ATP6V1A: variants seen among roughly 807,000 people sequenced by gnomAD.
The protein encoded by ATP6V1A is ATPase H+ transporting V1 subunit A, also known as V-type proton ATPase catalytic subunit A.
ATP6V1A carries 18 observed loss-of-function variants against 70.1 expected under a neutral mutation model. That is an observed-to-expected ratio of 0.26 (90% CI 0.18 to 0.38). ATP6V1A has a LOEUF of 0.38. Among genes scored for constraint, ATP6V1A ranks in the 10% least tolerant of loss-of-function variants. The pLI is 1.00. For synonymous variants in ATP6V1A, 232 were observed against 253.8 expected (o/e 0.91, Z 0.82); for missense variants, 424 against 772.4 (o/e 0.55, Z 5.35).
At chr3:113,769,403 A>G (rs1197925801) in intron 1 of ATP6V1A, among the ~76,000 whole-genome samples, 2 of 152,186 alleles carry the variant, frequency 1.3e-5, no homozygotes, top group South Asian at 2.1e-4. Flanking sequence ...TCTTTAATCA[A>G]TTAGATAGAA....
intron 1 of ATP6V1A, among the ~76,000 whole-genome samples, chr3:113,769,568 C>T (rs749191095): frequency 1.9e-4 from 29 of 152,308 alleles, no homozygotes; most frequent in South Asian, 6.2e-4. Context: ...CCCCCAACAG[C>T]CATATCATCC....
At chr3:113,762,107 G>A (rs898007704) in intron 1 of ATP6V1A, among the ~76,000 whole-genome samples, 1 of 130,886 alleles carries the variant, frequency 7.6e-6, no homozygotes, top group African/African-American at 2.8e-5. Context: ...AGCCAAGATC[G>A]CGCCATTGCA....
At chr3:113,794,096 G>A (rs1709127961) in intron 8 of ATP6V1A, among the ~76,000 whole-genome samples, 2 of 152,068 alleles carry the variant, frequency 1.3e-5, no homozygotes, top group African/African-American at 2.4e-5. Context: ...CCCAACACTC[G>A]TTTCTGTATA....
chr3:113,787,771 C>T (rs750425126), intron 6 of ATP6V1A, among the ~76,000 whole-genome samples: 11 of 152,024 alleles, frequency 7.2e-5, no homozygotes, highest in Non-Finnish European at 7.4e-5. Flanking sequence ...TGGCAAAAAC[C>T]GATATCATTA....
At position 113,796,031 on chromosome 3, in the gene ATP6V1A, A is replaced by G. The variant is rs939211784; in HGVS notation, c.1290+92A>G. The G allele has an allele frequency of 8.7e-6, 10 of 1,148,316 alleles. No individual in the cohort carries two copies. In the African/African-American group the frequency reaches 1.6e-4, roughly 18 times the overall value. The allele number at this position is 1,148,316 out of a possible 1,614,324, so 71.1% of individuals were successfully genotyped here. A position where few individuals can be genotyped will look rare whatever the true frequency, so the allele number is the denominator to read the frequency against. ...ATGCGATCTAATGTAATCGTTGTGA[A>G]GTATTTAATTTAGTCTCTAAAGGAT... On this transcript the variant is annotated intron_variant, in intron 11 of 14. Transcript: ENST00000273398.
chr3:113,783,138 T>G (rs1476533270), intron 3 of ATP6V1A, among the ~76,000 whole-genome samples: 1 of 152,206 alleles, frequency 6.6e-6, no homozygotes, highest in Non-Finnish European at 1.5e-5. Context: ...CTGGTTCTTT[T>G]TTTTACAGCC....
At chr3:113,797,398 C>T (rs1709164839) in intron 11 of ATP6V1A, among the ~76,000 whole-genome samples, 1 of 151,754 alleles carries the variant, frequency 6.6e-6, no homozygotes, top group South Asian at 2.1e-4. Flanking sequence ...GCATTACAGG[C>T]ATGCGCCACC....
chr3:113,780,615 C>A, intron 2 of ATP6V1A: 1 of 548,420 alleles, frequency 1.8e-6, no homozygotes, highest in South Asian at 2.0e-5. Context: ...AGGTCTGTCT[C>A]TCAAAGGAAA....
chr3:113,778,935 C>A, intron 2 of ATP6V1A, 100 bp downstream of exon 2: 1 of 815,802 alleles, frequency 1.2e-6, no homozygotes, highest in Non-Finnish European at 1.8e-6. Flanking sequence ...TGTTTACCTG[C>A]ATAAATTCTG....
At chr3:113,791,194 T>G (rs1384869376) in intron 8 of ATP6V1A, among the ~76,000 whole-genome samples, 1 of 152,164 alleles carries the variant, frequency 6.6e-6, no homozygotes, top group Non-Finnish European at 1.5e-5. Context: ...TTATCTATTT[T>G]CCATGTGCAT....
chr3:113,807,609 G>A (rs531460531), intron 14 of ATP6V1A, among the ~76,000 whole-genome samples: 121 of 152,192 alleles, frequency 8.0e-4, no homozygotes, highest in Non-Finnish European at 6.6e-4. Flanking sequence ...AATGCTTATG[G>A]CACAGAGTGA....
At chr3:113,789,619 G>T in intron 7 of ATP6V1A, 113 bp from the exon 8 acceptor site, 1 of 673,184 alleles carries the variant, frequency 1.5e-6, no homozygotes. Flanking sequence ...TAGGAACACT[G>T]ATTGTAAGAG....
At chr3:113,774,845 A>G (rs1471378587) in intron 1 of ATP6V1A, among the ~76,000 whole-genome samples, 1 of 151,924 alleles carries the variant, frequency 6.6e-6, no homozygotes, top group Non-Finnish European at 1.5e-5. Context: ...AAAAAGCAGC[A>G]TTCAGAATAG....
rs183125013 is a variant in ATP6V1A at position 113,779,185 on chromosome 3, G to A, written c.82+350G>A. On this transcript the variant is annotated intron_variant, in intron 2 of 14. Coordinates refer to ENST00000273398, the MANE Select transcript of ATP6V1A (RefSeq NM_001690.4). Reference sequence around the variant, plus strand: ...TTTAATATGTAATACCTTGCATATAGCAGGCATTCAGTAAATGTTAATTTG... The same window carrying A: ...TTTAATATGTAATACCTTGCATATAACAGGCATTCAGTAAATGTTAATTTG... 13 of 161,854 alleles carry A rather than the reference G, an allele frequency of 8.0e-5. No homozygotes were observed. In the East Asian group the frequency reaches 2.2e-3, roughly 28 times the overall value. The allele number at this position is 161,854 out of a possible 1,614,324, so 10.0% of individuals were successfully genotyped here.
intron 5 of ATP6V1A, 85 bp from the exon 6 acceptor site, chr3:113,786,147 C>T: frequency 7.5e-7 from 1 of 1,337,246 alleles, no homozygotes; most frequent in South Asian, 1.6e-5. Flanking sequence ...CCTTCCTAAC[C>T]CCAAGGAGAA....
intron 10 of ATP6V1A, 26 bp from the exon 11 acceptor site, chr3:113,795,850 A>G (rs1321351011): frequency 6.3e-7 from 1 of 1,578,408 alleles, no homozygotes; most frequent in East Asian, 2.3e-5. Context: ...TTTTTTTTGT[A>G]ATGACCATAT....
chr3:113,764,997 T>C (rs1708752117), intron 1 of ATP6V1A, among the ~76,000 whole-genome samples: 1 of 112,032 alleles, frequency 8.9e-6, no homozygotes, highest in South Asian at 2.6e-4. Flanking sequence ...CTGTCTTAAT[T>C]GAAAAAAAAA....
chr3:113,748,978 A>G (rs765223290), intron 1 of ATP6V1A, among the ~76,000 whole-genome samples: 13 of 152,206 alleles, frequency 8.5e-5, no homozygotes, highest in Non-Finnish European at 1.6e-4. Flanking sequence ...TGCACCACGT[A>G]AGGAGAATTC....
chr3:113,756,486 G>A (rs1249852422), intron 1 of ATP6V1A, among the ~76,000 whole-genome samples: 4 of 152,082 alleles, frequency 2.6e-5, no homozygotes, highest in African/African-American at 9.7e-5. Context: ...GCCAAAATCT[G>A]CCATTTAGCT....
Sources: allele counts gnomAD v4.1 joint callset (sites outside exome capture counted in the v4.1 genomes callset), GRCh38; gene constraint gnomAD v4.1.1; transcripts MANE v1.5; gene names NCBI Gene and HGNC (gene_info 2026-07-23, HGNC 2026-07-21).